The following PIGK variants were observed in gnomAD, a reference collection of about 807,000 sequenced individuals.
PIGK encodes the protein GPI-anchor transamidase.
Under a neutral mutation model 50.6 loss-of-function variants are expected in PIGK, and 42 were observed. That is an observed-to-expected ratio of 0.83 (90% CI 0.65 to 1.07). PIGK has a LOEUF of 1.07. Among genes scored for constraint, PIGK ranks in the 50% least tolerant of loss-of-function variants. The pLI is 0.00. For synonymous variants in PIGK, 151 were observed against 156.0 expected, an observed-to-expected ratio of 0.97 and a Z score of 0.24; for missense variants, 448 against 488.7, an observed-to-expected ratio of 0.92 and a Z score of 0.78.
chr1:77,206,296 T>G (rs1258049680), intron 3 of PIGK, among the ~76,000 whole-genome samples: 1 of 152,190 alleles, frequency 6.6e-6, no homozygotes, highest in East Asian at 1.9e-4. Context: ...TCAATATGCT[T>G]TCAATAAATC....
rs549564377 is a variant in PIGK, at chr1:77,193,467, A to G, written c.239+13173T>C. Among the ~76,000 whole-genome samples the G allele has an allele frequency of 6.6e-5, 10 of 152,276 alleles. No individual in the cohort carries two copies. The South Asian group carries it at 2.1e-3, about 32-fold the overall frequency. On this transcript the variant is annotated intron_variant, in intron 3 of 10. Transcript: ENST00000370812. ...AAAAGGAACAGACTCAATTACAAGA[A>G]TCATTGCACTCTGGAAAGCCCGAAG...
intron 8 of PIGK, among the ~76,000 whole-genome samples, chr1:77,158,654 G>A (rs971195111): frequency 5.3e-5 from 8 of 152,198 alleles, no homozygotes; most frequent in African/African-American, 1.4e-4. Context: ...CTTTAGCAAA[G>A]AGACTGGCAG....
chr1:77,134,805 C>A (rs1424664234), intron 9 of PIGK, among the ~76,000 whole-genome samples: 1 of 152,138 alleles, frequency 6.6e-6, no homozygotes, highest in Non-Finnish European at 1.5e-5. Context: ...AGAAATTGTA[C>A]ACTACTACTT....
At chr1:77,137,750 C>T (rs1379194361) in intron 9 of PIGK, among the ~76,000 whole-genome samples, 1 of 151,948 alleles carries the variant, frequency 6.6e-6, no homozygotes, top group East Asian at 1.9e-4. Flanking sequence ...ATTACAGGTG[C>T]ATACCACCAC....
At chr1:77,112,776 GCAC>G (rs1653883800) in intron 10 of PIGK, among the ~76,000 whole-genome samples, 1 of 151,978 alleles carries the variant, frequency 6.6e-6, no homozygotes, top group South Asian at 2.1e-4. Flanking sequence ...GAACCAAGAA[GCAC>G]CACTTTTCCA....
chr1:77,181,316 A>G (rs1655609443), intron 3 of PIGK, among the ~76,000 whole-genome samples: 2 of 152,262 alleles, frequency 1.3e-5, no homozygotes, highest in South Asian at 4.1e-4. Context: ...AAAAAAATAT[A>G]CATATTTCAA....
intron 10 of PIGK, among the ~76,000 whole-genome samples, chr1:77,094,223 C>T (rs985537328): frequency 3.3e-5 from 5 of 152,044 alleles, no homozygotes; most frequent in African/African-American, 1.2e-4. Context: ...ATAGATATTC[C>T]CTGAAAGCCC....
chr1:77,169,413 A>G lies in PIGK; in HGVS notation c.240-18T>C. The G allele has an allele frequency of 1.9e-6, 3 of 1,562,220 alleles. No homozygotes were observed. The highest frequency in any genetic ancestry group is 2.6e-6 in the Non-Finnish European group (3 of 1,149,714). The stretch of plus-strand genomic sequence containing the variant: ...CAATGTGACTAGGGAAAAAAAATCC[A>G]GTAAATATATAATTTAGATAAAAGG... On this transcript the variant is annotated intron_variant, in intron 3 of 10. Transcript: ENST00000370812.
chr1:77,124,630 A>C (rs915451415), intron 9 of PIGK, among the ~76,000 whole-genome samples: 54 of 151,718 alleles, frequency 3.6e-4, no homozygotes, highest in African/African-American at 8.9e-4. Flanking sequence ...CAAAAAAAAA[A>C]ACACACACAC....
chr1:77,123,557 T>C (rs1351618266), intron 9 of PIGK, among the ~76,000 whole-genome samples: 2 of 151,596 alleles, frequency 1.3e-5, no homozygotes, highest in East Asian at 1.9e-4. Flanking sequence ...TTCTCACTAA[T>C]GATGGAAAAA....
At chr1:77,204,744 C>G (rs1557431387) in intron 3 of PIGK, among the ~76,000 whole-genome samples, 1 of 152,122 alleles carries the variant, frequency 6.6e-6, no homozygotes, top group Non-Finnish European at 1.5e-5. Context: ...CCCTGATATT[C>G]TAACACTAGA....
In PIGK at chr1:77,091,165, A is replaced by G. The variant is rs1653289332; in HGVS notation, c.*1209T>C. The G allele has an allele frequency of 6.6e-6, 1 of 152,228 alleles. No individual in the cohort carries two copies. The highest frequency in any genetic ancestry group is 2.1e-4 in the South Asian group (1 of 4,834). 9.4% of individuals were successfully genotyped at this position (152,228 alleles called of 1,614,324 possible). On this transcript the variant is annotated 3_prime_UTR_variant, in exon 11 of 11. Transcript: ENST00000370812. Reference sequence around the variant, plus strand: ...AAGACACCTGAAGGTATCCCCCCAGACATAAATACTTAACTTTTAGGCTTT... The same window carrying G: ...AAGACACCTGAAGGTATCCCCCCAGGCATAAATACTTAACTTTTAGGCTTT...
chr1:77,182,871 A>G (rs77727387), intron 3 of PIGK, among the ~76,000 whole-genome samples: 2 of 152,218 alleles, frequency 1.3e-5, no homozygotes, highest in African/African-American at 2.4e-5. Context: ...TAGTAACTCT[A>G]TACATAATAC....
intron 9 of PIGK, among the ~76,000 whole-genome samples, chr1:77,127,300 C>T (rs561939638): frequency 6.6e-6 from 1 of 152,168 alleles, no homozygotes; most frequent in South Asian, 2.1e-4. Context: ...CCTAAAATAA[C>T]ACTGTAAAAT....
At chr1:77,216,304 T>C (rs923741722) in intron 1 of PIGK, among the ~76,000 whole-genome samples, 1 of 152,192 alleles carries the variant, frequency 6.6e-6, no homozygotes, top group Admixed American at 6.5e-5. Flanking sequence ...AAGTAAAGTA[T>C]CTATTTCTGG....
At chr1:77,114,122 C>T (rs1200454395) in intron 10 of PIGK, among the ~76,000 whole-genome samples, 1 of 152,102 alleles carries the variant, frequency 6.6e-6, no homozygotes, top group Non-Finnish European at 1.5e-5. Context: ...CCTCCTTCAT[C>T]AAAATTTTCT....
At chr1:77,188,259 A>G (rs575802077) in intron 3 of PIGK, among the ~76,000 whole-genome samples, 1 of 152,284 alleles carries the variant, frequency 6.6e-6, no homozygotes, top group East Asian at 1.9e-4. Flanking sequence ...ATATCGCTGA[A>G]TTCTTTTTCT....
chr1:77,103,322 G>T (rs1409298525), intron 10 of PIGK, among the ~76,000 whole-genome samples: 1 of 152,132 alleles, frequency 6.6e-6, no homozygotes, highest in Admixed American at 6.5e-5. Context: ...CAAAGTAAAT[G>T]AATGTATTTT....
intron 9 of PIGK, among the ~76,000 whole-genome samples, chr1:77,139,413 T>C (rs1444016539): frequency 1.3e-5 from 2 of 151,602 alleles, no homozygotes; most frequent in African/African-American, 4.9e-5. Flanking sequence ...ACACCATGGG[T>C]TGGATCAAGG....
Sources: gnomAD v4.1 joint callset for allele counts (sites outside exome capture counted in the v4.1 genomes callset) on GRCh38, gnomAD v4.1.1 for gene constraint, MANE v1.5 for transcripts, NCBI Gene and HGNC (gene_info 2026-07-23, HGNC 2026-07-21) for gene names.